Variants in CHCHD3 observed in about 807,000 individuals in gnomAD.
CHCHD3 encodes coiled-coil-helix-coiled-coil-helix domain containing 3.
CHCHD3 carries 20 observed loss-of-function variants against 38.2 expected under a neutral mutation model. That is an observed-to-expected ratio of 0.52 (90% CI 0.37 to 0.76). The LOEUF is 0.76. Among genes scored for constraint, CHCHD3 ranks in the 30% least tolerant of loss-of-function variants. The pLI, the probability that CHCHD3 is intolerant of heterozygous loss-of-function variation, is 0.00. For missense variants in CHCHD3, 245 were observed against 279.2 expected (o/e 0.88, Z 0.87); for synonymous variants, 82 against 100.0 (o/e 0.82, Z 1.07).
intron 2 of CHCHD3, among the ~76,000 whole-genome samples, chr7:133,036,189 A>G (rs1350860180): frequency 6.6e-6 from 1 of 152,118 alleles, no homozygotes; most frequent in African/African-American, 2.4e-5. Context: ...TTCTTCTCTA[A>G]TTTTCTGACA....
intron 4 of CHCHD3, among the ~76,000 whole-genome samples, chr7:132,893,232 GA>G (rs1809412498): frequency 6.6e-6 from 1 of 152,210 alleles, no homozygotes; most frequent in Non-Finnish European, 1.5e-5. Flanking sequence ...CTAGACATGA[GA>G]CATGGAGTCA....
At chr7:132,828,143 A>C (rs1000795945) in intron 6 of CHCHD3, among the ~76,000 whole-genome samples, 23 of 152,186 alleles carry the variant, frequency 1.5e-4, no homozygotes, top group African/African-American at 5.3e-4. Context: ...CTAGGACTAG[A>C]CTTGTTGCAT....
At chr7:132,836,417 GCGCCA>G (rs1204995233) in intron 6 of CHCHD3, among the ~76,000 whole-genome samples, 1 of 150,848 alleles carries the variant, frequency 6.6e-6, no homozygotes, top group Non-Finnish European at 1.5e-5. Context: ...ATCACGCCTG[GCGCCA>G]TGTCTAAACT....
At chr7:133,031,921 T>C (rs1304898998) in intron 2 of CHCHD3, among the ~76,000 whole-genome samples, 3 of 152,160 alleles carry the variant, frequency 2.0e-5, no homozygotes, top group African/African-American at 2.4e-5. Context: ...ATAATTTCAA[T>C]AAATTCATTA....
intron 5 of CHCHD3, among the ~76,000 whole-genome samples, chr7:132,876,812 A>G (rs1328783411): frequency 3.3e-5 from 5 of 152,198 alleles, no homozygotes; most frequent in African/African-American, 9.6e-5. Context: ...TTAATATGAA[A>G]GCAAGATCCC....
intron 5 of CHCHD3, among the ~76,000 whole-genome samples, chr7:132,842,452 T>C (rs528952948): frequency 3.7e-4 from 57 of 152,338 alleles, no homozygotes; most frequent in African/African-American, 1.3e-3. Context: ...AGGTAATGAT[T>C]TAACAATGTT....
chr7:132,968,331 G>C (rs2117320107), intron 4 of CHCHD3, among the ~76,000 whole-genome samples: 1 of 152,286 alleles, frequency 6.6e-6, no homozygotes, highest in East Asian at 1.9e-4. Context: ...AGAAGAGTCA[G>C]AAAGAATGGG....
At chr7:132,787,405 A>T (rs1806346115) in intron 7 of CHCHD3, among the ~76,000 whole-genome samples, 1 of 152,120 alleles carries the variant, frequency 6.6e-6, no homozygotes, top group African/African-American at 2.4e-5. Context: ...CTAGAGCTAC[A>T]TGGGAAGAAA....
In CHCHD3 at chr7:133,027,438, G is replaced by C. The variant is rs1234846561; in HGVS notation, c.170-2811C>G. On this transcript the variant is annotated intron_variant, in intron 2 of 7. Coordinates refer to ENST00000262570, the MANE Select transcript of CHCHD3 (RefSeq NM_017812.4). ...AATGAAGAGAAGGAAGGAAGGGAGG[G>C]AGGGAGGGAGGGGGGGAGAGGAAGA... Among the ~76,000 whole-genome samples, 8 of 130,592 alleles carry C rather than the reference G, an allele frequency of 6.1e-5. 1 individual carries two copies. The highest frequency in any genetic ancestry group is 4.8e-4 in the Admixed American group (6 of 12,628). 85.7% of individuals were successfully genotyped at this position (130,592 alleles called of 152,430 possible). A position where few individuals can be genotyped will look rare whatever the true frequency, so the allele number is the denominator to read the frequency against.
chr7:132,896,131 G>A (rs939195853), intron 4 of CHCHD3, among the ~76,000 whole-genome samples: 1 of 152,204 alleles, frequency 6.6e-6, no homozygotes, highest in African/African-American at 2.4e-5. Context: ...CAAAAGCAAT[G>A]AGAGTGGCTC....
intron 3 of CHCHD3, among the ~76,000 whole-genome samples, chr7:133,020,358 G>C (rs2117433333): frequency 6.6e-6 from 1 of 152,224 alleles, no homozygotes; most frequent in Non-Finnish European, 1.5e-5. Context: ...TTTAGGAGTG[G>C]AGATTTAATG....
intron 6 of CHCHD3, among the ~76,000 whole-genome samples, chr7:132,808,255 C>T (rs1806982326): frequency 6.6e-6 from 1 of 152,132 alleles, no homozygotes; most frequent in Non-Finnish European, 1.5e-5. Context: ...AGCCTGGAAG[C>T]TTTCTCTATT....
chr7:132,812,284 C>T (rs1386080671), intron 6 of CHCHD3, among the ~76,000 whole-genome samples: 2 of 137,004 alleles, frequency 1.5e-5, no homozygotes, highest in Non-Finnish European at 3.0e-5. Context: ...TCTCACCTCA[C>T]TGCAACCTCT....
chr7:132,951,513 A>G (rs1041139602), intron 4 of CHCHD3, among the ~76,000 whole-genome samples: 7 of 152,208 alleles, frequency 4.6e-5, no homozygotes, highest in African/African-American at 7.2e-5. Flanking sequence ...GGTCAGTGAC[A>G]GACTGCATAC....
At chr7:132,969,001 C>A (rs1238916873) in intron 4 of CHCHD3, among the ~76,000 whole-genome samples, 2 of 152,166 alleles carry the variant, frequency 1.3e-5, no homozygotes, top group Non-Finnish European at 2.9e-5. Context: ...GAAAGGCATA[C>A]AGCACAAAAT....
chr7:133,035,289 T>C lies in CHCHD3; in HGVS notation c.170-10662A>G. 2.5e-6 allele frequency: 4 copies of C among 1,612,492 alleles called. No homozygotes were observed. Among genetic ancestry groups the C allele is most frequent in the Middle Eastern group, 3.3e-4 (2 of 6,056 alleles). On this transcript the variant is annotated intron_variant, in intron 2 of 7. Coordinates refer to ENST00000262570, the MANE Select transcript of CHCHD3 (RefSeq NM_017812.4). This position sits in a 1 kb window ranked among gnomAD's most constrained non-coding sequence, Gnocchi z 4.7. Reference sequence around the variant, plus strand: ...TTTAGCATCAAACTGGGCCATCTTCTCACACAGTTTCAGTTCCCCCAAGAC... The same window carrying C: ...TTTAGCATCAAACTGGGCCATCTTCCCACACAGTTTCAGTTCCCCCAAGAC...
At chr7:133,008,963 A>G (rs1812782261) in intron 3 of CHCHD3, among the ~76,000 whole-genome samples, 2 of 127,812 alleles carry the variant, frequency 1.6e-5, no homozygotes, top group Non-Finnish European at 3.3e-5. Flanking sequence ...GAAAAAACAA[A>G]AAAGACCAAA....
intron 3 of CHCHD3, among the ~76,000 whole-genome samples, chr7:133,009,550 A>C (rs1303167229): frequency 6.6e-6 from 1 of 150,824 alleles, no homozygotes; most frequent in East Asian, 2.0e-4. Flanking sequence ...AAAAAAAAAA[A>C]CTCTGTCACG....
chr7:132,795,138 T>C (rs1013981731), intron 7 of CHCHD3, among the ~76,000 whole-genome samples: 3 of 152,206 alleles, frequency 2.0e-5, no homozygotes, highest in African/African-American at 2.4e-5. Context: ...GAGACCAGCA[T>C]TGAAACATAC....
Sources: allele counts gnomAD v4.1 joint callset (sites outside exome capture counted in the v4.1 genomes callset), GRCh38; gene constraint gnomAD v4.1.1; non-coding constraint Gnocchi (gnomAD v3.1); transcripts MANE v1.5; gene names NCBI Gene and HGNC (gene_info 2026-07-23, HGNC 2026-07-21).